Variants in NIPBL observed in about 807,000 individuals in gnomAD.
NIPBL encodes nipped-B-like protein.
A neutral mutation model predicts 321.8 loss-of-function variants in NIPBL; 19 were observed. The ratio of observed to expected loss-of-function variants is 0.06; its 90% confidence interval spans 0.04 to 0.09. The LOEUF is 0.09. Among genes scored for constraint, NIPBL ranks in the 10% least tolerant of loss-of-function variants. The pLI is 1.00. For synonymous variants in NIPBL, 1,106 were observed against 1,114.1 expected (o/e 0.99, Z 0.14); for missense variants, 2,210 against 3,327.0 (o/e 0.66, Z 8.26).
At chr5:36,933,125 T>A (rs1484351156) in intron 1 of NIPBL, among the ~76,000 whole-genome samples, 1 of 152,096 alleles carries the variant, frequency 6.6e-6, no homozygotes, top group East Asian at 1.9e-4. Context: ...AGAAAAACTC[T>A]TCCTTTAATA....
At chr5:37,064,075 A>G in intron 46 of NIPBL, 97 bp downstream of exon 46, 1 of 1,517,446 alleles carries the variant, frequency 6.6e-7, no homozygotes, top group Non-Finnish European at 8.8e-7. Context: ...ACACCAAGTA[A>G]TGTAATACTT....
chr5:36,958,791 C>T (rs1246096791), intron 4 of NIPBL, among the ~76,000 whole-genome samples: 1 of 152,168 alleles, frequency 6.6e-6, no homozygotes, highest in Non-Finnish European at 1.5e-5. Flanking sequence ...GAGCATTGTT[C>T]TGTTCAAGCT....
intron 38 of NIPBL, among the ~76,000 whole-genome samples, chr5:37,048,064 T>C (rs534035417): frequency 1.3e-5 from 2 of 152,336 alleles, no homozygotes; most frequent in Admixed American, 1.3e-4. Flanking sequence ...CATTATTTCT[T>C]AAATCCTGAA....
At chr5:37,023,207 G>C (rs1174228074) in intron 29 of NIPBL, among the ~76,000 whole-genome samples, 1 of 152,114 alleles carries the variant, frequency 6.6e-6, no homozygotes, top group Non-Finnish European at 1.5e-5. Flanking sequence ...TTAAAGAAAA[G>C]CTGGAAAAAT....
chr5:37,018,331 C>A (rs564811438), intron 24 of NIPBL, among the ~76,000 whole-genome samples: 2 of 152,196 alleles, frequency 1.3e-5, no homozygotes, highest in South Asian at 4.1e-4. Context: ...AATACAATAC[C>A]TACTCTGGTA....
Position 37,066,228 on chromosome 5 carries a change from G to A in NIPBL, c.*1336G>A, listed in dbSNP as rs769985264. 70 of 151,984 alleles carry A rather than the reference G, an allele frequency of 4.6e-4. No individual in the cohort carries two copies. Among genetic ancestry groups the A allele is most frequent in the Non-Finnish European group, 7.8e-4 (53 of 67,928 alleles). 9.4% of individuals were successfully genotyped at this position (151,984 alleles called of 1,614,324 possible). On this transcript the variant is annotated 3_prime_UTR_variant, in exon 47 of 47. Coordinates refer to ENST00000282516, the MANE Select transcript of NIPBL (RefSeq NM_133433.4). ...AATGCCTAAAATTTACAGTGGATGA[G>A]GTCTGTTTCAAGTTTAATTCTTTTT... is the stretch of plus-strand genomic sequence containing the variant.
intron 31 of NIPBL, among the ~76,000 whole-genome samples, chr5:37,027,003 T>A (rs1466690647): frequency 6.6e-6 from 1 of 152,196 alleles, no homozygotes; most frequent in Non-Finnish European, 1.5e-5. Context: ...ATGTGCCATC[T>A]AGAAGCGTAA....
chr5:37,059,379 C>T (rs1232305234), intron 44 of NIPBL, among the ~76,000 whole-genome samples: 5 of 152,040 alleles, frequency 3.3e-5, no homozygotes, highest in Non-Finnish European at 7.4e-5. Flanking sequence ...TGGTGGTGCA[C>T]GCCTGTGACC....
chr5:36,994,404 A>G (rs986260583), intron 10 of NIPBL, among the ~76,000 whole-genome samples: 8 of 152,138 alleles, frequency 5.3e-5, no homozygotes, highest in African/African-American at 1.9e-4. Context: ...TTATTCTTTC[A>G]TTAAGATTAA....
intron 21 of NIPBL, among the ~76,000 whole-genome samples, chr5:37,012,406 T>G (rs1348512495): frequency 1.3e-5 from 2 of 150,378 alleles, no homozygotes; most frequent in Non-Finnish European, 3.0e-5. Flanking sequence ...AATCAGTATT[T>G]CCTTAGGTGG....
intron 20 of NIPBL, among the ~76,000 whole-genome samples, chr5:37,009,640 A>AT (rs1272330592): frequency 6.6e-6 from 1 of 152,198 alleles, no homozygotes; most frequent in Non-Finnish European, 1.5e-5. Flanking sequence ...GTGGAAATTG[A>AT]TTTTTTATAA....
Position 36,976,404 on chromosome 5 carries a change from T to TAA in NIPBL, c.1495+5_1495+6dup, listed in dbSNP as rs779786908. 1.2e-6 allele frequency: 2 copies of TAA among 1,603,066 alleles called. No individual in the cohort carries two copies. Among genetic ancestry groups the TAA allele is most frequent in the African/African-American group, 2.7e-5 (2 of 74,902 alleles). ...TCTCAAAAGAAGTTCAAGATAAAGG[T>TAA]AAAATAATCTCATTATTACCACTTC... is the stretch of plus-strand genomic sequence containing the variant. On this transcript the variant is annotated splice_region_variant and intron_variant, in intron 9 of 46. Transcript: ENST00000282516.
intron 8 of NIPBL, among the ~76,000 whole-genome samples, chr5:36,972,705 C>G (rs1452316294): frequency 6.6e-6 from 1 of 152,124 alleles, no homozygotes; most frequent in Non-Finnish European, 1.5e-5. Context: ...TTCTACCATC[C>G]CATCTGTCTT....
Position 37,064,723 on chromosome 5 carries a change from C to G in NIPBL, c.8246C>G (p.Thr2749Ser). ...WMAGSYSGSWTEAKRRDGRKL... is the reference protein window; with the variant it reads ...WMAGSYSGSWSEAKRRDGRKL... ...GCAGGCTCCTACAGTGGCTCCTGGA[C>G]TGAGGCTAAGCGCCGTGATGGCCGC... Residue 2749 changes from threonine (T) to serine (S), a missense_variant, in exon 47 of 47, where the codon ACT becomes AGT. Physicochemically the swap from Thr to Ser is moderately conservative, Grantham distance 58 (BLOSUM62 1). Coordinates refer to ENST00000282516, the MANE Select transcript of NIPBL (RefSeq NM_133433.4). 1 of 1,614,172 alleles carries G rather than the reference C, an allele frequency of 6.2e-7. No individual in the cohort carries two copies. The highest frequency in any genetic ancestry group is 8.5e-7 in the Non-Finnish European group (1 of 1,180,030).
In NIPBL at chr5:36,923,721, A is replaced by C. The variant is rs150430928; in HGVS notation, c.-79-29897A>C. 3.7e-3 allele frequency among the ~76,000 whole-genome samples: 559 copies of C among 152,316 alleles called. 4 individuals carry two copies. The highest frequency in any genetic ancestry group is 5.4e-3 in the South Asian group (26 of 4,830). Reference sequence around the variant, plus strand: ...TGTGTAATGTCTGTATTAGATACCAACTGATTGATATAAATGAGACTCTAA... The same window carrying C: ...TGTGTAATGTCTGTATTAGATACCACCTGATTGATATAAATGAGACTCTAA... On this transcript the variant is annotated intron_variant, in intron 1 of 46. Transcript: ENST00000282516.
At position 36,958,185 on chromosome 5, in the gene NIPBL, T is replaced by C. The variant is rs773368185; in HGVS notation, c.312T>C (p.Pro104=). ...VLLQAVLARS[P]NVFREKSMQN... ...TGCAGGCCGTCCTGGCAAGGAGTCC[T>C]AATGTTTTCAGGGAGAAAAGCATGC... The change falls in exon 4 of 47, where the codon CCT becomes CCC. Residue 104 remains proline, a synonymous_variant. Coordinates refer to ENST00000282516, the MANE Select transcript of NIPBL (RefSeq NM_133433.4). 1.2e-6 allele frequency: 2 copies of C among 1,613,828 alleles called. No homozygotes were observed. Among genetic ancestry groups the C allele is most frequent in the Admixed American group, 1.7e-5 (1 of 60,006 alleles).
chr5:36,879,425 C>G (rs1157253378), intron 1 of NIPBL, among the ~76,000 whole-genome samples: 1 of 152,108 alleles, frequency 6.6e-6, no homozygotes, highest in Admixed American at 6.5e-5. Flanking sequence ...ATAAACATTT[C>G]TTTAAATTTA....
intron 1 of NIPBL, chr5:36,886,278 C>T: frequency 1.5e-6 from 1 of 671,738 alleles, no homozygotes. Context: ...AGGGGCAGCA[C>T]CAGGCCCAGG....
chr5:36,930,811 G>A (rs1220011180), intron 1 of NIPBL, among the ~76,000 whole-genome samples: 1 of 152,048 alleles, frequency 6.6e-6, no homozygotes, highest in Non-Finnish European at 1.5e-5. Context: ...AGCTTTAGTT[G>A]CTATTTCTAT....
Sources: allele counts gnomAD v4.1 joint callset (sites outside exome capture counted in the v4.1 genomes callset), GRCh38; gene constraint gnomAD v4.1.1; transcripts MANE v1.5; gene names NCBI Gene and HGNC (gene_info 2026-07-23, HGNC 2026-07-21).